The following CTNND1 variants were observed in gnomAD, a reference collection of about 807,000 sequenced individuals.
The protein encoded by CTNND1 is catenin delta-1.
CTNND1 carries 16 observed loss-of-function variants against 112.1 expected under a neutral mutation model. The observed-to-expected ratio is 0.14, with a 90% CI of 0.10 to 0.22. CTNND1 has a LOEUF of 0.22. Ranked by LOEUF, CTNND1 falls within the 10% of genes least tolerant of loss-of-function variation. The pLI is 1.00. For synonymous variants in CTNND1, 420 were observed against 446.5 expected, an observed-to-expected ratio of 0.94 and a Z score of 0.75; for missense variants, 1,008 against 1,257.0, an observed-to-expected ratio of 0.80 and a Z score of 3.00.
intron 5 of CTNND1, 144 bp downstream of exon 5, chr11:57,795,873 A>G: frequency 1.1e-6 from 1 of 921,640 alleles, no homozygotes; most frequent in Non-Finnish European, 1.5e-6. Context: ...GCCAGATAGA[A>G]AGGATGAAGA....
At chr11:57,797,076 T>G in intron 6 of CTNND1, 84 bp downstream of exon 6, 2 of 1,256,218 alleles carry the variant, frequency 1.6e-6, no homozygotes, top group Non-Finnish European at 2.1e-6. Context: ...TAGGGGCTTT[T>G]TGGGATCAGA....
chr11:57,809,975 T>G (rs2063140761), intron 15 of CTNND1, 134 bp from the exon 16 acceptor site: 6 of 518,314 alleles, frequency 1.2e-5, no homozygotes, highest in African/African-American at 2.0e-5. Context: ...CCTCCCAAAG[T>G]GCTGGGATTA....
At position 57,799,979 on chromosome 11, in the gene CTNND1, G is replaced by GTTTTTTTTT. The variant is rs1157141511; in HGVS notation, c.957-1736_957-1728dup. ...TCTAAGCTATTCATTTTGTTTCCGT[G>GTTTTTTTTT]TTTTTTTTTTTTTTTTTTTTTTTTT... On this transcript the variant is annotated intron_variant, in intron 6 of 20. Coordinates refer to ENST00000399050, the MANE Select transcript of CTNND1 (RefSeq NM_001085458.2). Among the ~76,000 whole-genome samples, 4 of 58,834 alleles carry GTTTTTTTTT rather than the reference G, an allele frequency of 6.8e-5. 1 individual carries two copies. Among genetic ancestry groups the GTTTTTTTTT allele is most frequent in the African/African-American group, 1.4e-4 (2 of 14,650 alleles). 38.6% of individuals were successfully genotyped at this position (58,834 alleles called of 152,430 possible).
In CTNND1 at chr11:57,768,593, CTG is replaced by C. The variant is rs1201171491; in HGVS notation, c.-214+6478_-214+6479del. Among the ~76,000 whole-genome samples the C allele has an allele frequency of 2.0e-5, 3 of 151,904 alleles. No individual in the cohort carries two copies. The East Asian group carries it at 5.9e-4, about 30-fold the overall frequency. ...TATTTTTAGTAGAGACGGGGTTTCA[CTG>C]TGTTAGCCAGGATGATCTTGATCTC... On this transcript the variant is annotated intron_variant, in intron 1 of 20. Transcript: ENST00000399050.
intron 1 of CTNND1, among the ~76,000 whole-genome samples, chr11:57,771,316 G>A (rs1565278942): frequency 6.6e-6 from 1 of 152,152 alleles, no homozygotes; most frequent in African/African-American, 2.4e-5. Context: ...AATAATAAGC[G>A]AGTAAATATG....
chr11:57,784,137 T>C (rs905209465), intron 1 of CTNND1, among the ~76,000 whole-genome samples: 4 of 151,728 alleles, frequency 2.6e-5, no homozygotes, highest in African/African-American at 9.7e-5. Context: ...CCCAGGCTGA[T>C]CTTTAAACTC....
intron 8 of CTNND1, 54 bp downstream of exon 8, chr11:57,803,858 A>G: frequency 7.6e-7 from 1 of 1,317,008 alleles, no homozygotes. Context: ...ACTGACTTAA[A>G]TTTCCTAAAA....
chr11:57,815,688 G>T (rs1214700392), intron 19 of CTNND1, 188 bp downstream of exon 19: 2 of 787,852 alleles, frequency 2.5e-6, no homozygotes, highest in Non-Finnish European at 4.6e-6. Context: ...TGGTCAAAAT[G>T]GGGGAAGCAT....
At chr11:57,773,644 AAAAT>A (rs1482508033) in intron 1 of CTNND1, among the ~76,000 whole-genome samples, 2 of 150,986 alleles carry the variant, frequency 1.3e-5, no homozygotes, top group East Asian at 3.9e-4. Flanking sequence ...TTTAAATTAA[AAAAT>A]TTTTTTGGCT....
At chr11:57,775,045 A>G (rs1953807943) in intron 1 of CTNND1, among the ~76,000 whole-genome samples, 1 of 151,022 alleles carries the variant, frequency 6.6e-6, no homozygotes. Context: ...TAAGACATGA[A>G]TTCCCAGACT....
intron 6 of CTNND1, among the ~76,000 whole-genome samples, chr11:57,797,634 G>A (rs2061495823): frequency 6.8e-6 from 1 of 147,714 alleles, no homozygotes; most frequent in Admixed American, 6.7e-5. Context: ...CCTGAGGTCC[G>A]GAGTTCAAGA....
chr11:57,795,648 G>A lies in CTNND1; in HGVS notation c.339G>A (p.Thr113=), dbSNP rs1228263584. ...QEPGQIVETY[T]EEDPEGAMSV... is the part of the protein sequence containing the mutation. The stretch of plus-strand genomic sequence containing the variant: ...CGGGGCAGATTGTGGAGACCTACAC[G>A]GAGGAGGATCCTGAGGGAGCCATGT... Residue 113 remains threonine (T), a synonymous_variant, in exon 5 of 21, where the codon ACG becomes ACA. Coordinates refer to ENST00000399050, the MANE Select transcript of CTNND1 (RefSeq NM_001085458.2). 8 of 1,609,992 alleles carry A rather than the reference G, an allele frequency of 5.0e-6. No individual in the cohort carries two copies. Among genetic ancestry groups the A allele is most frequent in the African/African-American group, 1.3e-5 (1 of 74,928 alleles).
chr11:57,814,249 C>A, intron 17 of CTNND1, 62 bp from the exon 18 acceptor site: 1 of 1,240,534 alleles, frequency 8.1e-7, no homozygotes, highest in South Asian at 1.3e-5. Flanking sequence ...GAGCAATTTT[C>A]ATGATGTGTA....
intron 1 of CTNND1, among the ~76,000 whole-genome samples, chr11:57,784,999 T>C (rs2059983574): frequency 6.6e-6 from 1 of 152,190 alleles, no homozygotes; most frequent in Admixed American, 6.5e-5. Context: ...AATGGAAGCT[T>C]ACAGGGGTTA....
At chr11:57,810,393 A>G (rs564569741) in intron 16 of CTNND1, among the ~76,000 whole-genome samples, 170 bp downstream of exon 16, 3 of 151,744 alleles carry the variant, frequency 2.0e-5, no homozygotes, top group East Asian at 4.0e-4. Context: ...AAGTGGCGCA[A>G]TCTCGGCTCA....
At chr11:57,770,424 G>T (rs1453329879) in intron 1 of CTNND1, among the ~76,000 whole-genome samples, 3 of 151,880 alleles carry the variant, frequency 2.0e-5, no homozygotes, top group Non-Finnish European at 2.9e-5. Context: ...GGAGGCCGAG[G>T]CAGGCGGATC....
intron 1 of CTNND1, among the ~76,000 whole-genome samples, chr11:57,775,687 C>T (rs561182785): frequency 1.3e-4 from 19 of 151,794 alleles, no homozygotes; most frequent in South Asian, 8.3e-4. Flanking sequence ...GAAAAGGAAG[C>T]GCTGGCTTCC....
intron 1 of CTNND1, among the ~76,000 whole-genome samples, chr11:57,762,854 T>C (rs547933418): frequency 1.8e-4 from 28 of 152,330 alleles, no homozygotes; most frequent in African/African-American, 6.5e-4. Context: ...GGTTTATGTG[T>C]TTAAAGGGAT....
At position 57,818,300 on chromosome 11, in the gene CTNND1, T is replaced by C. The variant is rs907682238; in HGVS notation, c.*1992T>C. 3 of 152,560 alleles carry C rather than the reference T, an allele frequency of 2.0e-5. No homozygotes were observed. The highest frequency in any genetic ancestry group is 2.0e-4 in the Admixed American group (3 of 15,274). The allele number at this position is 152,560 out of a possible 1,614,324, so 9.5% of individuals were successfully genotyped here. A position where few individuals can be genotyped will look rare whatever the true frequency, so the allele number is the denominator to read the frequency against. ...TTTATAAAAAACACTAAACATTCAA[T>C]TCCAGAGAACCAAAAATCCCACCTT... On this transcript the variant is annotated 3_prime_UTR_variant, in exon 21 of 21. Coordinates refer to ENST00000399050, the MANE Select transcript of CTNND1 (RefSeq NM_001085458.2).
Sources: allele counts gnomAD v4.1 joint callset (sites outside exome capture counted in the v4.1 genomes callset), GRCh38; gene constraint gnomAD v4.1.1; transcripts MANE v1.5; gene names NCBI Gene and HGNC (gene_info 2026-07-23, HGNC 2026-07-21).